The following MEGF11 variants were observed in gnomAD, a reference collection of about 807,000 sequenced individuals.
The protein encoded by MEGF11 is multiple EGF like domains 11.
In MEGF11, 126 loss-of-function variants were observed where a neutral mutation model predicts 146.6. The ratio of observed to expected loss-of-function variants is 0.86; its 90% CI spans 0.74 to 1.00. MEGF11 has a LOEUF of 1.00. MEGF11 is among the 50% of genes least tolerant of loss of function. The pLI is 0.00. For missense variants in MEGF11, 1,509 were observed against 1,521.2 expected (o/e 0.99, Z 0.13); for synonymous variants, 532 against 583.4 (o/e 0.91, Z 1.27).
Position 65,909,242 on chromosome 15 carries a change from T to G in MEGF11, c.2897-107A>C, listed in dbSNP as rs1050441781. The G allele has an allele frequency of 1.7e-5, 13 of 781,274 alleles. No homozygotes were observed. In the African/African-American group the frequency reaches 2.2e-4, roughly 13 times the overall value. The allele number at this position is 781,274 out of a possible 1,614,324, so 48.4% of individuals were successfully genotyped here. On this transcript the variant is annotated intron_variant, in intron 22 of 25. Coordinates refer to ENST00000395614, the MANE Select transcript of MEGF11 (RefSeq NM_001385028.1). ...GGGCCAGGGTCAGGGTGAGGCAGGC[T>G]GGGAGGACTTGGGGGCCTCTGTGTA...
Position 65,913,822 on chromosome 15 carries a change from C to T in MEGF11, c.2625G>A (p.Arg875=). The part of the protein sequence containing the change: ...LLGLFAWHRR[R]QKEKGRDLAP... ...CCAGGTCTCGGCCCTTCTCTTTCTG[C>T]CGCCGCCGATGCCAGGCAAATAGGC... is the stretch of plus-strand genomic sequence containing the variant. The change falls in exon 20 of 26, where the codon CGG becomes CGA. Residue 875 remains arginine, a synonymous_variant. Coordinates refer to ENST00000395614, the MANE Select transcript of MEGF11 (RefSeq NM_001385028.1). 2 of 1,613,926 alleles carry T rather than the reference C, an allele frequency of 1.2e-6. No homozygotes were observed. The highest frequency in any genetic ancestry group is 1.7e-6 in the Non-Finnish European group (2 of 1,179,850).
At chr15:65,996,466 G>A (rs1189412176) in intron 5 of MEGF11, among the ~76,000 whole-genome samples, 1 of 144,726 alleles carries the variant, frequency 6.9e-6, no homozygotes, top group Non-Finnish European at 1.5e-5. Flanking sequence ...AAATAGCCCT[G>A]TTTATCTCTA....
At chr15:65,907,004 T>C (rs1272463247) in intron 23 of MEGF11, among the ~76,000 whole-genome samples, 1 of 152,116 alleles carries the variant, frequency 6.6e-6, no homozygotes, top group Non-Finnish European at 1.5e-5. Context: ...CATTTCTAGG[T>C]TGGGACAGTA....
At chr15:66,223,902 C>T (rs4291865) in intron 1 of MEGF11, among the ~76,000 whole-genome samples, 85,294 of 151,900 alleles carry the variant, frequency 0.56, 24,819 homozygotes, top group Non-Finnish European at 0.66. Context: ...AACTCCTGTA[C>T]GTCCCCCTCC....
At position 66,186,137 on chromosome 15, in the gene MEGF11, C is replaced by T. The variant is rs1410238672; in HGVS notation, c.-8-57726G>A. Among the ~76,000 whole-genome samples, 2 of 152,128 alleles carry T rather than the reference C, an allele frequency of 1.3e-5. 1 individual carries two copies. Among genetic ancestry groups the T allele is most frequent in the Non-Finnish European group, 2.9e-5 (2 of 68,024 alleles). On this transcript the variant is annotated intron_variant, in intron 1 of 25. Transcript: ENST00000395614. Reference sequence around the variant, plus strand: ...AGCCCCAGACCCAGGTTGACCACTCCCCATAATTTTCAGGCTTCTCTATCA... The same window carrying T: ...AGCCCCAGACCCAGGTTGACCACTCTCCATAATTTTCAGGCTTCTCTATCA...
At chr15:66,245,490 G>C (rs150459228) in intron 1 of MEGF11, among the ~76,000 whole-genome samples, 13 of 151,376 alleles carry the variant, frequency 8.6e-5, no homozygotes, top group Non-Finnish European at 1.8e-4. Context: ...AAATTAGCCA[G>C]GCATGGTGGC....
chr15:66,184,189 T>C lies in MEGF11; in HGVS notation c.-8-55778A>G, dbSNP rs555276760. 2.7e-3 allele frequency among the ~76,000 whole-genome samples: 406 copies of C among 152,280 alleles called. 2 individuals carry two copies. Among genetic ancestry groups the C allele is most frequent in the African/African-American group, 9.4e-3 (391 of 41,556 alleles). ...TATACATATGTCAAAACTCATCAAA[T>C]TGTAATGCTTCAAATATGTGCAGTT... is the stretch of plus-strand genomic sequence containing the variant. On this transcript the variant is annotated intron_variant, in intron 1 of 25. Transcript: ENST00000395614.
chr15:65,990,208 A>AAAATAAGAT (rs2081986189), intron 5 of MEGF11, among the ~76,000 whole-genome samples: 1 of 152,012 alleles, frequency 6.6e-6, no homozygotes, highest in African/African-American at 2.4e-5. Flanking sequence ...TCTGTCTCTA[A>AAAATAAGAT]AAATAAGATA....
At chr15:65,899,062 G>A in intron 24 of MEGF11, 128 bp from the exon 25 acceptor site, 1 of 869,280 alleles carries the variant, frequency 1.2e-6, no homozygotes, top group Non-Finnish European at 1.7e-6. Context: ...GATAATCCAA[G>A]ATTTATTTAC....
chr15:66,204,671 G>A (rs1348977421), intron 1 of MEGF11, among the ~76,000 whole-genome samples: 3 of 152,296 alleles, frequency 2.0e-5, no homozygotes, highest in Admixed American at 6.5e-5. Flanking sequence ...ACTTGCACAT[G>A]CAGAAGCACA....
chr15:66,043,309 G>A (rs949139123), intron 5 of MEGF11, among the ~76,000 whole-genome samples: 4 of 152,168 alleles, frequency 2.6e-5, no homozygotes, highest in African/African-American at 9.7e-5. Context: ...CAGCTCTGTG[G>A]GTCCTCTTGG....
chr15:65,962,288 G>A (rs2080885788), intron 9 of MEGF11, among the ~76,000 whole-genome samples: 1 of 152,168 alleles, frequency 6.6e-6, no homozygotes. Context: ...CAGCACGAGA[G>A]AGTTCATTTA....
intron 8 of MEGF11, 148 bp downstream of exon 8, chr15:65,970,405 C>T (rs1314063566): frequency 8.1e-6 from 7 of 861,404 alleles, no homozygotes; most frequent in Non-Finnish European, 1.2e-5. Flanking sequence ...GGATCAGGTG[C>T]CAACCCTCCC....
At chr15:65,930,094 C>T (rs1160054675) in intron 11 of MEGF11, among the ~76,000 whole-genome samples, 1 of 152,212 alleles carries the variant, frequency 6.6e-6, no homozygotes, top group Non-Finnish European at 1.5e-5. Flanking sequence ...TCCGGGTGCT[C>T]ATTGTTTGTG....
intron 1 of MEGF11, among the ~76,000 whole-genome samples, chr15:66,132,517 A>G (rs1394437337): frequency 1.3e-5 from 2 of 152,158 alleles, no homozygotes; most frequent in Admixed American, 1.3e-4. Flanking sequence ...TTTGCTTCTC[A>G]ACATATTTGC....
At chr15:66,038,131 G>C (rs1415992030) in intron 5 of MEGF11, among the ~76,000 whole-genome samples, 1 of 152,206 alleles carries the variant, frequency 6.6e-6, no homozygotes, top group African/African-American at 2.4e-5. Context: ...AAAGAGAAGA[G>C]TAATTAACAA....
chr15:66,191,000 C>T (rs2090855263), intron 1 of MEGF11, among the ~76,000 whole-genome samples: 1 of 151,880 alleles, frequency 6.6e-6, no homozygotes, highest in East Asian at 1.9e-4. Context: ...ATTACAACAC[C>T]GCAGCCTGGA....
intron 10 of MEGF11, among the ~76,000 whole-genome samples, chr15:65,954,291 G>A (rs1251373272): frequency 2.0e-5 from 3 of 152,126 alleles, no homozygotes; most frequent in Admixed American, 6.5e-5. Context: ...TACTGACTGC[G>A]GGACATCTTG....
intron 7 of MEGF11, among the ~76,000 whole-genome samples, chr15:65,973,498 T>C (rs1251677620): frequency 1.3e-5 from 2 of 152,200 alleles, no homozygotes; most frequent in South Asian, 4.1e-4. Context: ...CACCTGTCTG[T>C]AGTCCCTGCT....
Sources: gnomAD v4.1 joint callset for allele counts (sites outside exome capture counted in the v4.1 genomes callset) on GRCh38, gnomAD v4.1.1 for gene constraint, MANE v1.5 for transcripts, NCBI Gene and HGNC (gene_info 2026-07-23, HGNC 2026-07-21) for gene names.